The following CPQ variants were observed in gnomAD, a reference collection of about 807,000 sequenced individuals.
CPQ encodes the protein Ser-Met dipeptidase.
CPQ carries 37 observed loss-of-function variants against 45.7 expected under a neutral mutation model. The observed-to-expected ratio is 0.81, with a 90% CI of 0.62 to 1.07. The LOEUF is 1.07. CPQ is among the 50% of genes least tolerant of loss of function. The pLI is 0.00. For synonymous variants in CPQ, 186 were observed against 205.8 expected, an observed-to-expected ratio of 0.90 and a Z score of 0.82; for missense variants, 537 against 572.9, an observed-to-expected ratio of 0.94 and a Z score of 0.64.
intron 4 of CPQ, among the ~76,000 whole-genome samples, chr8:96,906,633 A>G (rs1563525821): frequency 6.6e-6 from 1 of 152,172 alleles, no homozygotes; most frequent in African/African-American, 2.4e-5. Context: ...CCAAGGAGCT[A>G]GCTGACTCAG....
chr8:96,897,349 A>G (rs556859855), intron 4 of CPQ, among the ~76,000 whole-genome samples: 4 of 152,198 alleles, frequency 2.6e-5, no homozygotes, highest in Admixed American at 6.5e-5. Flanking sequence ...ATATTAGAGT[A>G]TGTGTGGACT....
intron 3 of CPQ, among the ~76,000 whole-genome samples, chr8:96,838,912 C>G (rs1393732217): frequency 2.0e-5 from 3 of 151,960 alleles, no homozygotes; most frequent in Non-Finnish European, 4.4e-5. Context: ...TATTCAGATG[C>G]CCAATATGCC....
chr8:96,854,288 T>C (rs1443583882), intron 3 of CPQ, among the ~76,000 whole-genome samples: 1 of 151,602 alleles, frequency 6.6e-6, no homozygotes, highest in African/African-American at 2.4e-5. Flanking sequence ...TCCCAGCACT[T>C]TGGGAGGCCG....
Position 96,701,817 on chromosome 8 carries a change from G to T in CPQ, c.-35+56415G>T, listed in dbSNP as rs910364064. Among the ~76,000 whole-genome samples, 3 of 152,284 alleles carry T rather than the reference G, an allele frequency of 2.0e-5. 1 individual carries two copies. Among genetic ancestry groups the T allele is most frequent in the African/African-American group, 7.2e-5 (3 of 41,568 alleles). On this transcript the variant is annotated intron_variant, in intron 1 of 7. Transcript: ENST00000220763. The stretch of plus-strand genomic sequence containing the variant: ...ACTCAGAGCAGGCCTCAGTGTCTCT[G>T]TTCCCAACCCTGTCCCCATCCCTAA...
At chr8:96,870,633 G>A (rs1218904226) in intron 3 of CPQ, among the ~76,000 whole-genome samples, 2 of 151,928 alleles carry the variant, frequency 1.3e-5, no homozygotes, top group Non-Finnish European at 2.9e-5. Context: ...TCTGTACAAT[G>A]GGGACAGTAA....
At chr8:97,043,855 T>C (rs1810180726) in intron 6 of CPQ, among the ~76,000 whole-genome samples, 1 of 152,266 alleles carries the variant, frequency 6.6e-6, no homozygotes, top group Admixed American at 6.5e-5. Flanking sequence ...AGAGATCCGC[T>C]GTTAGTCTTA....
intron 7 of CPQ, among the ~76,000 whole-genome samples, chr8:97,137,195 C>T (rs1812074911): frequency 6.6e-6 from 1 of 152,180 alleles, no homozygotes; most frequent in Non-Finnish European, 1.5e-5. Flanking sequence ...AGCCAAATTC[C>T]TTCAGTCTGA....
chr8:96,690,403 T>C (rs1020193013), intron 1 of CPQ, among the ~76,000 whole-genome samples: 1 of 152,184 alleles, frequency 6.6e-6, no homozygotes, highest in Non-Finnish European at 1.5e-5. Flanking sequence ...ATTTAGCTTT[T>C]ACTCTCTTCC....
chr8:96,682,902 T>C (rs1369132794), intron 1 of CPQ, among the ~76,000 whole-genome samples: 3 of 152,200 alleles, frequency 2.0e-5, no homozygotes, highest in Non-Finnish European at 4.4e-5. Flanking sequence ...TTCAGCTTGA[T>C]TATATCTTTT....
chr8:97,033,687 G>C (rs940513104), intron 6 of CPQ, among the ~76,000 whole-genome samples: 1 of 150,688 alleles, frequency 6.6e-6, no homozygotes, highest in African/African-American at 2.4e-5. Context: ...AAACCTACAT[G>C]GCACTAGCTA....
intron 7 of CPQ, among the ~76,000 whole-genome samples, chr8:97,131,233 T>C (rs1208522165): frequency 6.6e-6 from 1 of 152,222 alleles, no homozygotes; most frequent in Non-Finnish European, 1.5e-5. Context: ...ACCAACTGCC[T>C]TATACAAAAG....
chr8:96,808,348 GGA>G (rs1811112873), intron 2 of CPQ, among the ~76,000 whole-genome samples: 1 of 152,120 alleles, frequency 6.6e-6, no homozygotes, highest in Non-Finnish European at 1.5e-5. Context: ...CTGGCTCTTG[GGA>G]GAGATTATTA....
At chr8:96,997,888 G>A (rs551793875) in intron 5 of CPQ, among the ~76,000 whole-genome samples, 1 of 152,082 alleles carries the variant, frequency 6.6e-6, no homozygotes, top group African/African-American at 2.4e-5. Context: ...GTTAGCATCC[G>A]AATTTGTAAA....
At chr8:97,045,785 A>G (rs1307827048) in intron 6 of CPQ, among the ~76,000 whole-genome samples, 1 of 152,200 alleles carries the variant, frequency 6.6e-6, no homozygotes, top group Non-Finnish European at 1.5e-5. Context: ...CCACGACACT[A>G]ACACGTAAAC....
At chr8:96,850,422 T>C (rs1027893285) in intron 3 of CPQ, among the ~76,000 whole-genome samples, 5 of 152,206 alleles carry the variant, frequency 3.3e-5, no homozygotes, top group African/African-American at 1.2e-4. Context: ...CCATTGCTTA[T>C]GCACCTCAAG....
At chr8:96,856,255 G>A (rs1317442295) in intron 3 of CPQ, among the ~76,000 whole-genome samples, 3 of 152,178 alleles carry the variant, frequency 2.0e-5, no homozygotes, top group Non-Finnish European at 2.9e-5. Context: ...ACATGTAGGA[G>A]GCTATTCCAA....
chr8:97,023,020 A>ATATATATACAG (rs1473602166), intron 5 of CPQ, among the ~76,000 whole-genome samples: 1 of 146,818 alleles, frequency 6.8e-6, no homozygotes, highest in South Asian at 2.1e-4. Context: ...TATATATAGT[A>ATATATATACAG]TATATATACA....
chr8:97,137,924 A>G (rs893648231), intron 7 of CPQ, among the ~76,000 whole-genome samples: 3 of 151,946 alleles, frequency 2.0e-5, no homozygotes, highest in African/African-American at 7.3e-5. Context: ...TCTACTGGGA[A>G]ATGTGGTTAT....
At chr8:96,939,295 G>T (rs1379577639) in intron 4 of CPQ, among the ~76,000 whole-genome samples, 1 of 152,128 alleles carries the variant, frequency 6.6e-6, no homozygotes, top group African/African-American at 2.4e-5. Flanking sequence ...ATCTAATGCT[G>T]CCACTAATCT....
Sources: allele counts gnomAD v4.1 joint callset (sites outside exome capture counted in the v4.1 genomes callset), GRCh38; gene constraint gnomAD v4.1.1; transcripts MANE v1.5; gene names NCBI Gene and HGNC (gene_info 2026-07-23, HGNC 2026-07-21).